CRYL1: variants seen among roughly 807,000 people sequenced by gnomAD.
CRYL1 encodes lambda-crystallin homolog.
Under a neutral mutation model 36.6 loss-of-function variants are expected in CRYL1, and 29 were observed. The ratio of observed to expected loss-of-function variants is 0.79; its 90% confidence interval spans 0.59 to 1.08. The LOEUF (loss-of-function observed/expected upper bound fraction) is 1.08. CRYL1 is among the 50% of genes least tolerant of loss of function. CRYL1 has a pLI of 0.00. For synonymous variants in CRYL1, 152 were observed against 151.5 expected, an observed-to-expected ratio of 1.00 and a Z score of -0.02; for missense variants, 411 against 407.9, an observed-to-expected ratio of 1.01 and a Z score of -0.06.
chr13:20,474,375 C>T (rs952665365), intron 3 of CRYL1, among the ~76,000 whole-genome samples: 2 of 152,134 alleles, frequency 1.3e-5, no homozygotes, highest in South Asian at 2.1e-4. Flanking sequence ...GGGATGTAGG[C>T]TTCCTCTAAT....
Position 20,432,298 on chromosome 13 carries a change from T to G in CRYL1, c.439-2A>C, listed in dbSNP as rs1292816598. 1.9e-6 allele frequency: 3 copies of G among 1,598,808 alleles called. No individual in the cohort carries two copies. In the Admixed American group the frequency reaches 5.1e-5, roughly 27 times the overall value. ...CGGGATGTAGTATGGCGGATTCACC[T>G]TAGGAGAGAGAGAGAAGTGGGGGAG... On this transcript the variant is annotated splice_acceptor_variant, in intron 4 of 7. Coordinates refer to ENST00000298248, the MANE Select transcript of CRYL1 (RefSeq NM_015974.3). LOFTEE classifies it high-confidence loss of function.
At chr13:20,431,563 TC>T (rs1250140511) in intron 5 of CRYL1, 1 of 1,012,008 alleles carries the variant, frequency 9.9e-7, no homozygotes, top group Non-Finnish European at 1.2e-6. Context: ...TTTCTTCACC[TC>T]CATGTAAAAT....
chr13:20,453,108 T>C (rs1242161826), intron 3 of CRYL1, among the ~76,000 whole-genome samples: 2 of 152,202 alleles, frequency 1.3e-5, no homozygotes, highest in African/African-American at 4.8e-5. Context: ...TCAACCAACT[T>C]GATCTACTTG....
At chr13:20,454,077 C>A (rs1181927553) in intron 3 of CRYL1, among the ~76,000 whole-genome samples, 1 of 152,158 alleles carries the variant, frequency 6.6e-6, no homozygotes, top group East Asian at 1.9e-4. Flanking sequence ...ATTTAAAGAA[C>A]TACTGCCAAT....
chr13:20,461,257 A>G (rs2032812219), intron 3 of CRYL1, among the ~76,000 whole-genome samples: 4 of 152,176 alleles, frequency 2.6e-5, no homozygotes, highest in Non-Finnish European at 2.9e-5. Context: ...TCTGCTGCTT[A>G]TCTTCTGATT....
chr13:20,489,347 C>A, intron 3 of CRYL1, 23 bp downstream of exon 3: 1 of 1,611,152 alleles, frequency 6.2e-7, no homozygotes, highest in Non-Finnish European at 8.5e-7. Context: ...CCCACAGATG[C>A]GGCGCCAGTG....
intron 3 of CRYL1, among the ~76,000 whole-genome samples, chr13:20,468,484 A>G (rs1296585670): frequency 6.6e-6 from 1 of 152,216 alleles, no homozygotes; most frequent in Non-Finnish European, 1.5e-5. Context: ...CCAGCATTCA[A>G]CAATCTACCA....
intron 5 of CRYL1, among the ~76,000 whole-genome samples, chr13:20,414,180 A>G (rs1233543416): frequency 7.5e-6 from 1 of 133,006 alleles, no homozygotes; most frequent in Non-Finnish European, 1.6e-5. Flanking sequence ...GTTTCAAAAT[A>G]AATAAATAAA....
At chr13:20,455,573 T>C (rs1025581892) in intron 3 of CRYL1, among the ~76,000 whole-genome samples, 7 of 151,442 alleles carry the variant, frequency 4.6e-5, no homozygotes, top group African/African-American at 1.7e-4. Context: ...TAATCATGAA[T>C]TGGAAAACTC....
chr13:20,509,195 C>CAAAA (rs1221695401), intron 2 of CRYL1, among the ~76,000 whole-genome samples: 1 of 103,284 alleles, frequency 9.7e-6, no homozygotes, highest in Non-Finnish European at 2.1e-5. Flanking sequence ...ACTCAATCCC[C>CAAAA]AAAAAAAAAA....
chr13:20,479,555 C>G (rs2033234255), intron 3 of CRYL1, among the ~76,000 whole-genome samples: 4 of 152,132 alleles, frequency 2.6e-5, no homozygotes. Context: ...ACTTGACAGA[C>G]TCTTACACAG....
chr13:20,426,378 G>T (rs932455520), intron 5 of CRYL1, among the ~76,000 whole-genome samples: 3 of 151,640 alleles, frequency 2.0e-5, no homozygotes, highest in African/African-American at 7.3e-5. Context: ...TCGGTAGCTG[G>T]GACTGTAGAC....
chr13:20,516,838 G>A (rs974585107), intron 1 of CRYL1, among the ~76,000 whole-genome samples: 3 of 152,120 alleles, frequency 2.0e-5, no homozygotes, highest in Admixed American at 1.3e-4. Flanking sequence ...TTGGGAGGCT[G>A]AGGCGGGAGG....
At chr13:20,477,593 A>G (rs1208546590) in intron 3 of CRYL1, among the ~76,000 whole-genome samples, 1 of 149,908 alleles carries the variant, frequency 6.7e-6, no homozygotes, top group Admixed American at 6.7e-5. Flanking sequence ...ATTGACACAC[A>G]GTAGGTATAT....
chr13:20,437,309 A>T (rs898774796), intron 4 of CRYL1, among the ~76,000 whole-genome samples: 10 of 144,320 alleles, frequency 6.9e-5, no homozygotes, highest in African/African-American at 2.0e-4. Context: ...AGGAAGATTA[A>T]TTTTTTTTTT....
At chr13:20,414,998 A>C (rs955698161) in intron 5 of CRYL1, among the ~76,000 whole-genome samples, 2 of 152,210 alleles carry the variant, frequency 1.3e-5, no homozygotes, top group African/African-American at 4.8e-5. Flanking sequence ...GGACTGAGGC[A>C]GTAGCGCTGG....
intron 5 of CRYL1, among the ~76,000 whole-genome samples, chr13:20,423,770 C>CTTTTTT (rs1158080893): frequency 1.0e-5 from 1 of 100,156 alleles, no homozygotes; most frequent in African/African-American, 3.9e-5. Flanking sequence ...GGTGTGGGTT[C>CTTTTTT]TTTTTTTTTT....
chr13:20,463,076 T>A (rs926857126), intron 3 of CRYL1, among the ~76,000 whole-genome samples: 3 of 152,344 alleles, frequency 2.0e-5, no homozygotes, highest in African/African-American at 7.2e-5. Context: ...AAGCTGGGTC[T>A]GCCCACCTCC....
intron 3 of CRYL1, among the ~76,000 whole-genome samples, chr13:20,484,987 C>T (rs1183211591): frequency 6.6e-6 from 1 of 152,104 alleles, no homozygotes; most frequent in African/African-American, 2.4e-5. Flanking sequence ...GTTTGGTAAA[C>T]CTGAGACACT....
Sources: allele counts gnomAD v4.1 joint callset (sites outside exome capture counted in the v4.1 genomes callset), GRCh38; gene constraint gnomAD v4.1.1; transcripts MANE v1.5; gene names NCBI Gene and HGNC (gene_info 2026-07-23, HGNC 2026-07-21).